Variants in CCDC171 observed in about 807,000 individuals in gnomAD.
CCDC171 encodes coiled-coil domain-containing protein 171.
A neutral mutation model predicts 168.2 loss-of-function variants in CCDC171; 177 were observed. The ratio of observed to expected loss-of-function variants is 1.05; its 90% CI spans 0.93 to 1.19. The LOEUF is 1.19. Among genes scored for constraint, CCDC171 ranks in the 50% most tolerant of loss-of-function variants. CCDC171 has a pLI of 0.00. For missense variants in CCDC171, 1,991 were observed against 1,539.0 expected (o/e 1.29, Z -4.91); for synonymous variants, 687 against 540.8 (o/e 1.27, Z -3.75).
chr9:15,952,585 C>T (rs373284876), intron 25 of CCDC171, among the ~76,000 whole-genome samples: 25 of 152,002 alleles, frequency 1.6e-4, no homozygotes, highest in African/African-American at 3.4e-4. Context: ...TTAGTAGAGA[C>T]GGGGTTTCTC....
At chr9:16,044,210 A>G (rs1041333102) in intron 1 of CCDC171, among the ~76,000 whole-genome samples, 4 of 152,220 alleles carry the variant, frequency 2.6e-5, no homozygotes, top group Admixed American at 6.5e-5. Context: ...GGATCAAGCA[A>G]CTTTCATTGA....
intron 3 of CCDC171, among the ~76,000 whole-genome samples, chr9:16,016,689 G>A (rs1429746149): frequency 1.3e-5 from 2 of 152,120 alleles, no homozygotes; most frequent in African/African-American, 2.4e-5. Context: ...TCCCTAATAC[G>A]AAAAACAGGT....
intron 6 of CCDC171, among the ~76,000 whole-genome samples, chr9:15,612,048 A>G (rs1042825801): frequency 2.0e-5 from 3 of 152,232 alleles, no homozygotes; most frequent in Admixed American, 6.5e-5. Flanking sequence ...AGCATCCTCT[A>G]TAAACTAGAA....
intron 6 of CCDC171, among the ~76,000 whole-genome samples, chr9:15,613,982 A>C (rs1354524474): frequency 6.6e-6 from 1 of 152,224 alleles, no homozygotes; most frequent in African/African-American, 2.4e-5. Flanking sequence ...AATGGACAGA[A>C]GATTTTCTTA....
chr9:15,719,610 T>C (rs2053341512), intron 11 of CCDC171, among the ~76,000 whole-genome samples: 1 of 152,206 alleles, frequency 6.6e-6, no homozygotes, highest in African/African-American at 2.4e-5. Context: ...GCTTACTTTG[T>C]ACTTCAACTA....
intron 24 of CCDC171, among the ~76,000 whole-genome samples, chr9:15,890,281 C>T (rs1237811673): frequency 1.3e-5 from 2 of 152,118 alleles, no homozygotes; most frequent in East Asian, 3.9e-4. Flanking sequence ...CCATTGCTTG[C>T]CCTTTAGAGA....
intron 6 of CCDC171, among the ~76,000 whole-genome samples, chr9:15,613,447 A>G (rs1444019023): frequency 2.0e-5 from 3 of 152,206 alleles, no homozygotes; most frequent in Admixed American, 6.5e-5. Context: ...AAACATTGAA[A>G]TAAATGTTAT....
At chr9:15,604,946 C>A (rs75448207) in intron 6 of CCDC171, among the ~76,000 whole-genome samples, 3 of 152,148 alleles carry the variant, frequency 2.0e-5, no homozygotes, top group Non-Finnish European at 4.4e-5. Context: ...GAGACAAGGT[C>A]TCACTCTGTT....
chr9:15,938,649 C>G (rs551542709), intron 25 of CCDC171, among the ~76,000 whole-genome samples: 1 of 151,860 alleles, frequency 6.6e-6, no homozygotes, highest in Non-Finnish European at 1.5e-5. Context: ...TCTATGTTAG[C>G]TGAGAAATTG....
rs537898907 is a variant in CCDC171 at position 15,787,475 on chromosome 9, T to C, written c.3267+2781T>C. On this transcript the variant is annotated intron_variant, in intron 21 of 25. Transcript: ENST00000380701. ...ATTTATCCCAGCTTCTTCCTCCTCC[T>C]ACTCCTCCACCTCCTCTTCCTTCTC... Among the ~76,000 whole-genome samples the C allele has an allele frequency of 3.9e-5, 6 of 152,274 alleles. No homozygotes were observed. The East Asian group carries it at 1.2e-3, about 29-fold the overall frequency.
At chr9:15,684,460 TC>T (rs926020148) in intron 10 of CCDC171, among the ~76,000 whole-genome samples, 5 of 151,978 alleles carry the variant, frequency 3.3e-5, no homozygotes, top group Non-Finnish European at 7.4e-5. Flanking sequence ...GTCAACTTTT[TC>T]CATAGCAGAT....
chr9:16,056,372 C>G (rs1291907466), intron 1 of CCDC171, among the ~76,000 whole-genome samples: 1 of 152,210 alleles, frequency 6.6e-6, no homozygotes, highest in Non-Finnish European at 1.5e-5. Context: ...ATTAGTATGA[C>G]TGAGAAACTG....
At chr9:15,721,917 C>A (rs1564284405) in intron 12 of CCDC171, 42 bp downstream of exon 12, 1 of 1,061,006 alleles carries the variant, frequency 9.4e-7, no homozygotes, top group Non-Finnish European at 1.3e-6. Context: ...TAGCCTTCGG[C>A]CTGTACCAGT....
intron 24 of CCDC171, among the ~76,000 whole-genome samples, chr9:15,894,476 T>G (rs1820640148): frequency 6.6e-6 from 1 of 152,050 alleles, no homozygotes; most frequent in Non-Finnish European, 1.5e-5. Flanking sequence ...ATTCCTCCCT[T>G]CTTATACAGC....
chr9:15,714,270 A>G (rs2052907729), intron 11 of CCDC171, among the ~76,000 whole-genome samples: 1 of 152,028 alleles, frequency 6.6e-6, no homozygotes. Flanking sequence ...AGTTCCAGTG[A>G]TTTCCTCTTG....
At chr9:15,784,338 C>T (rs1290099081) in intron 20 of CCDC171, among the ~76,000 whole-genome samples, 171 bp from the exon 21 acceptor site, 2 of 152,046 alleles carry the variant, frequency 1.3e-5, no homozygotes, top group Admixed American at 1.3e-4. Context: ...CTTTAAAAAT[C>T]ACAGTAGTAT....
chr9:15,823,583 A>G (rs1049327358), intron 21 of CCDC171, among the ~76,000 whole-genome samples: 5 of 152,148 alleles, frequency 3.3e-5, no homozygotes, highest in Admixed American at 6.5e-5. Flanking sequence ...CTTACATTGT[A>G]TAAACGAAGA....
At chr9:15,623,532 T>C (rs2044751503) in intron 7 of CCDC171, 119 bp downstream of exon 7, 3 of 525,536 alleles carry the variant, frequency 5.7e-6, no homozygotes, top group Non-Finnish European at 9.1e-6. Context: ...TGATTTAAGA[T>C]TGGAGAGTTT....
At chr9:15,640,658 C>G (rs1242561530) in intron 7 of CCDC171, among the ~76,000 whole-genome samples, 3 of 152,072 alleles carry the variant, frequency 2.0e-5, no homozygotes, top group South Asian at 2.1e-4. Flanking sequence ...GAAGGTCAGA[C>G]TAATTGAATA....
Sources: gnomAD v4.1 joint callset for allele counts (sites outside exome capture counted in the v4.1 genomes callset) on GRCh38, gnomAD v4.1.1 for gene constraint, MANE v1.5 for transcripts, NCBI Gene and HGNC (gene_info 2026-07-23, HGNC 2026-07-21) for gene names.